Variants in RANBP1 observed in about 807,000 individuals in gnomAD.
RANBP1 encodes RAN binding protein 1.
In RANBP1, 16 loss-of-function variants were observed where a neutral mutation model predicts 31.4. The ratio of observed to expected loss-of-function variants is 0.51; its 90% confidence interval spans 0.34 to 0.77. The LOEUF (loss-of-function observed/expected upper bound fraction) is 0.77, where lower values mean the gene tolerates loss of function less well. RANBP1 is among the 30% of genes least tolerant of loss of function. The probability of loss-of-function intolerance (pLI) is 0.01; values close to 1 mark genes in which losing one functional copy is unlikely to be tolerated. For synonymous variants in RANBP1, 129 were observed against 140.5 expected, an observed-to-expected ratio of 0.92 and a Z score of 0.58; for missense variants, 265 against 362.0, an observed-to-expected ratio of 0.73 and a Z score of 2.17.
chr22:20,116,639 G>A (rs762366739), intron 1 of RANBP1: 3 of 1,521,926 alleles, frequency 2.0e-6, no homozygotes, highest in African/African-American at 1.4e-5. Context: ...GGGGTGCTAG[G>A]GTGAGGACTA....
chr22:20,121,434 A>G (rs1342402122), intron 2 of RANBP1, among the ~76,000 whole-genome samples: 1 of 151,804 alleles, frequency 6.6e-6, no homozygotes, highest in African/African-American at 2.4e-5. Flanking sequence ...TTTTTAGTAG[A>G]GAGGGGGTTT....
At position 20,126,941 on chromosome 22, in the gene RANBP1, T is replaced by G; in HGVS notation, c.737-11T>G. 1 of 1,611,578 alleles carries G rather than the reference T, an allele frequency of 6.2e-7. No homozygotes were observed. The highest frequency in any genetic ancestry group is 8.5e-7 in the Non-Finnish European group (1 of 1,178,974). ...GCTTCTGTTTTCTCACTGTGCTGCT[T>G]GTGTTTTTAGCAGGATCAGGCAAAA... On this transcript the variant is annotated splice_polypyrimidine_tract_variant and intron_variant, in intron 5 of 5. Transcript: ENST00000430524.
At chr22:20,117,785 G>C in intron 1 of RANBP1, 1 of 1,045,936 alleles carries the variant, frequency 9.6e-7, no homozygotes, top group Non-Finnish European at 1.1e-6. Context: ...TCGGCCGTCT[G>C]CTGGGCCTCG....
At chr22:20,120,467 G>A (rs780743296) in intron 2 of RANBP1, among the ~76,000 whole-genome samples, 5 of 152,186 alleles carry the variant, frequency 3.3e-5, no homozygotes, top group African/African-American at 4.8e-5. Flanking sequence ...GGGTGGGCCC[G>A]GGTCTTTGCA....
chr22:20,117,636 GC>G, intron 1 of RANBP1: 1 of 1,139,348 alleles, frequency 8.8e-7, no homozygotes, highest in Middle Eastern at 3.7e-4. Flanking sequence ...AGCCGCCGCC[GC>G]CGCCGCGCCC....
At chr22:20,118,425 CT>C in intron 1 of RANBP1, 1 of 889,574 alleles carries the variant, frequency 1.1e-6, no homozygotes, top group Non-Finnish European at 1.4e-6. Flanking sequence ...TAGTTATTAA[CT>C]TAGTTTTCTG....
intron 4 of RANBP1, 152 bp from the exon 5 acceptor site, chr22:20,126,151 G>A (rs2050292511): frequency 1.1e-6 from 1 of 921,894 alleles, no homozygotes; most frequent in Non-Finnish European, 1.6e-6. Flanking sequence ...GGAGACAGAA[G>A]GCCAGGGCCG....
At chr22:20,119,867 G>T (rs2050137504) in intron 2 of RANBP1, among the ~76,000 whole-genome samples, 1 of 152,270 alleles carries the variant, frequency 6.6e-6, no homozygotes, top group South Asian at 2.1e-4. Flanking sequence ...ATAGGTGATG[G>T]TTTAGTTATT....
At position 20,127,090 on chromosome 22, in the gene RANBP1, C is replaced by G. The variant is rs748386685; in HGVS notation, c.*38C>G. 1.3e-6 allele frequency: 2 copies of G among 1,525,620 alleles called. No homozygotes were observed. Among genetic ancestry groups the G allele is most frequent in the African/African-American group, 2.8e-5 (2 of 71,024 alleles). The allele number at this position is 1,525,620 out of a possible 1,614,324, so 94.5% of individuals were successfully genotyped here. A position where few individuals can be genotyped will look rare whatever the true frequency, so the allele number is the denominator to read the frequency against. ...TATTTTCTTTTCCTCTCTTTCCTTTCCTTTTTTTAAAAAATTTTACCCTGC... is the reference window on the plus strand; with the variant it reads ...TATTTTCTTTTCCTCTCTTTCCTTTGCTTTTTTTAAAAAATTTTACCCTGC... On this transcript the variant is annotated 3_prime_UTR_variant, in exon 6 of 6. Transcript: ENST00000430524.
At chr22:20,117,787 T>C in intron 1 of RANBP1, 5 of 1,039,600 alleles carry the variant, frequency 4.8e-6, no homozygotes, top group Non-Finnish European at 5.8e-6. Context: ...GGCCGTCTGC[T>C]GGGCCTCGGT....
At position 20,126,852 on chromosome 22, in the gene RANBP1, C is replaced by T. The variant is rs555876162; in HGVS notation, c.737-100C>T. 3.2e-5 allele frequency: 47 copies of T among 1,451,968 alleles called. No homozygotes were observed. In the East Asian group the frequency reaches 4.2e-4, roughly 13 times the overall value. 89.9% of individuals were successfully genotyped at this position (1,451,968 alleles called of 1,614,324 possible). A position where few individuals can be genotyped will look rare whatever the true frequency, so the allele number is the denominator to read the frequency against. On this transcript the variant is annotated intron_variant, in intron 5 of 5. Transcript: ENST00000430524. Reference sequence around the variant, plus strand: ...GAGTCTGTCCCGAGGGCGGGCAAGCCGCTGTGGGTGGGTGACGGCACTTGG... The same window carrying T: ...GAGTCTGTCCCGAGGGCGGGCAAGCTGCTGTGGGTGGGTGACGGCACTTGG...
At chr22:20,117,550 C>G in intron 1 of RANBP1, 3 of 1,400,336 alleles carry the variant, frequency 2.1e-6, no homozygotes, top group South Asian at 1.4e-5. Context: ...CGGGAGGCGC[C>G]GGCGCCAGAC....
At chr22:20,123,459 T>A (rs1470239957) in intron 3 of RANBP1, among the ~76,000 whole-genome samples, 1 of 44,278 alleles carries the variant, frequency 2.3e-5, no homozygotes, top group Non-Finnish European at 4.2e-5. Context: ...TCTGGGGGGG[T>A]TTGGTGTCTG....
At chr22:20,117,548 G>A in intron 1 of RANBP1, 1 of 1,395,684 alleles carries the variant, frequency 7.2e-7, no homozygotes, top group South Asian at 1.4e-5. Flanking sequence ...GGCGGGAGGC[G>A]CCGGCGCCAG....
intron 2 of RANBP1, 99 bp downstream of exon 2, chr22:20,119,248 C>G (rs2050123664): frequency 1.6e-6 from 2 of 1,213,032 alleles, no homozygotes; most frequent in African/African-American, 3.1e-5. Flanking sequence ...CAGACTGAGG[C>G]TGCTTAAAGA....
Position 20,119,046 on chromosome 22 carries a change from A to G in RANBP1, c.280A>G (p.Asn94Asp), listed in dbSNP as rs1244075667. The change falls in exon 2 of 6, where the codon AAT (asparagine) becomes GAT (aspartate). Residue 94 changes from asparagine (N) to aspartate (D), a missense_variant. Physicochemically the swap from Asn to Asp is conservative, Grantham distance 23 (BLOSUM62 1). Transcript: ENST00000430524. Reference sequence around the variant, plus strand: ...TGAGGACCATGATACTTCCACTGAGAATACAGACGAGTCCAACCATGACCC... The same window carrying G: ...TGAGGACCATGATACTTCCACTGAGGATACAGACGAGTCCAACCATGACCC... ...THEDHDTSTE[N>D]TDESNHDPQF... 1.9e-6 allele frequency: 3 copies of G among 1,613,302 alleles called. No homozygotes were observed. In the Admixed American group the frequency reaches 5.0e-5, roughly 27 times the overall value.
chr22:20,116,919 T>C (rs1047899380), intron 1 of RANBP1: 1 of 1,593,052 alleles, frequency 6.3e-7, no homozygotes, highest in African/African-American at 1.3e-5. Context: ...CCCAGGCGGT[T>C]CTCCGCCTAG....
At chr22:20,117,719 C>T in intron 1 of RANBP1, 2 of 1,113,916 alleles carry the variant, frequency 1.8e-6, no homozygotes, top group Non-Finnish European at 2.2e-6. Flanking sequence ...GGGCCGTTAT[C>T]AGCGGCCACG....
intron 2 of RANBP1, among the ~76,000 whole-genome samples, chr22:20,121,744 A>G (rs993460848): frequency 2.6e-5 from 4 of 151,436 alleles, no homozygotes; most frequent in Non-Finnish European, 4.4e-5. Flanking sequence ...GTGTCTTGCT[A>G]TGTTGCCCAG....
Sources: allele counts gnomAD v4.1 joint callset (sites outside exome capture counted in the v4.1 genomes callset), GRCh38; gene constraint gnomAD v4.1.1; transcripts MANE v1.5; gene names NCBI Gene and HGNC (gene_info 2026-07-23, HGNC 2026-07-21).